Variants in ADCK5 observed in about 807,000 individuals in gnomAD.
ADCK5 encodes aarF domain containing kinase 5.
In ADCK5, 43 loss-of-function variants were observed where a neutral mutation model predicts 64.9. That is an observed-to-expected ratio of 0.66 (90% CI 0.52 to 0.85). The LOEUF is 0.85. ADCK5 is among the 40% of genes least tolerant of loss of function. The pLI is 0.00. For missense variants in ADCK5, 760 were observed against 810.5 expected, an observed-to-expected ratio of 0.94 and a Z score of 0.76; for synonymous variants, 434 against 342.8, an observed-to-expected ratio of 1.27 and a Z score of -2.94.
chr8:144,373,820 G>T, upstream of ADCK5: 1 of 362,828 alleles, frequency 2.8e-6, no homozygotes, highest in Non-Finnish European at 4.9e-6. Flanking sequence ...GTGCCTGCCC[G>T]GGGAATGCGC....
intron 3 of ADCK5, chr8:144,389,207 A>G (rs1202073688): frequency 2.2e-6 from 1 of 454,746 alleles, no homozygotes; most frequent in African/African-American, 2.0e-5. Context: ...TACCTGCTCA[A>G]CAGATACCCA....
chr8:144,382,233 C>G (rs1482778885), intron 2 of ADCK5, among the ~76,000 whole-genome samples: 1 of 143,264 alleles, frequency 7.0e-6, no homozygotes, highest in Admixed American at 6.9e-5. Flanking sequence ...GATTATGGGC[C>G]GGGTGTAGAA....
rs1554860677 is a variant in ADCK5, at chr8:144,391,666, C to T, written c.885C>T (p.Phe295=). ...AERCARELAH[F]PYVVVPRVHW... is the part of the protein sequence containing the mutation. ...GCTGTGCGCGGGAGCTGGCGCACTT[C>T]CCCTACGTCGTGGTGCCCCGCGTGC... is the stretch of plus-strand genomic sequence containing the variant. Residue 295 remains phenylalanine (F), a synonymous_variant, in exon 8 of 15, where the codon TTC becomes TTT. Coordinates refer to ENST00000308860, the MANE Select transcript of ADCK5 (RefSeq NM_174922.5). 4.5e-6 allele frequency: 7 copies of T among 1,543,638 alleles called. No individual in the cohort carries two copies. The highest frequency in any genetic ancestry group is 8.7e-7 in the Non-Finnish European group (1 of 1,148,664).
chr8:144,384,246 G>A lies in ADCK5; in HGVS notation c.266+1016G>A, dbSNP rs1309184596. ...CCTTTTGAATGGAGCGTCAGGGCAG[G>A]AAGGAGGCAGGGAGGGTGTGGTCCT... On this transcript the variant is annotated intron_variant, in intron 3 of 14. Transcript: ENST00000308860. This position sits in a 1 kb window ranked among gnomAD's most constrained non-coding sequence, Gnocchi z 5.7. Among the ~76,000 whole-genome samples the A allele has an allele frequency of 6.6e-6, 1 of 152,064 alleles. No individual in the cohort carries two copies. Among genetic ancestry groups the A allele is most frequent in the African/African-American group, 2.4e-5 (1 of 41,396 alleles).
chr8:144,392,541 T>G lies in ADCK5; in HGVS notation c.1364T>G (p.Met455Arg). ...CTGAGCCGCGAAGAGGCGGCCTACATGGTGGACATGGCCCGCGAGCGCTTC... is the reference window on the plus strand; with the variant it reads ...CTGAGCCGCGAAGAGGCGGCCTACAGGGTGGACATGGCCCGCGAGCGCTTC... The part of the protein sequence containing the change: ...HLLSREEAAY[M>R]VDMARERFEA... The change falls in exon 13 of 15, where the codon ATG becomes AGG. Residue 455 changes from methionine (M) to arginine (R), a missense_variant. Met to Arg is a moderately conservative substitution (Grantham distance 91). Around this residue, in one of 2 missense-constraint regions of ADCK5, gnomAD observed 333 missense variants for 292.0 expected, o/e 1.14. Coordinates refer to ENST00000308860, the MANE Select transcript of ADCK5 (RefSeq NM_174922.5). 6.4e-7 allele frequency: 1 copy of G among 1,562,672 alleles called. No individual in the cohort carries two copies. Among genetic ancestry groups the G allele is most frequent in the Non-Finnish European group, 8.6e-7 (1 of 1,160,378 alleles).
chr8:144,381,683 A>G (rs1308306328), intron 2 of ADCK5, among the ~76,000 whole-genome samples: 1,216 of 26,428 alleles, frequency 0.046, no homozygotes, highest in East Asian at 0.061. Context: ...CCGCAGTCAG[A>G]ATTATGGGCC....
In ADCK5 at chr8:144,393,189, A is replaced by G; in HGVS notation, c.*115A>G. The G allele has an allele frequency of 1.5e-6, 2 of 1,347,926 alleles. No homozygotes were observed. Among genetic ancestry groups the G allele is most frequent in the Non-Finnish European group, 2.0e-6 (2 of 1,007,894 alleles). 83.5% of individuals were successfully genotyped at this position (1,347,926 alleles called of 1,614,324 possible). A position where few individuals can be genotyped will look rare whatever the true frequency, so the allele number is the denominator to read the frequency against. On this transcript the variant is annotated 3_prime_UTR_variant, in exon 15 of 15. Coordinates refer to ENST00000308860, the MANE Select transcript of ADCK5 (RefSeq NM_174922.5). ...GGCACTCGCACTGGGGGGCTGTGAC[A>G]GCAGCTGGGCCAGGAGGCCGTGTAA...
chr8:144,393,032 C>A lies in ADCK5; in HGVS notation c.1701C>A (p.Leu567=). ...CTCGTGCTCTGGTCCACCTGAGCCTCGTGCCCCCAGCGGAGGAGCTCTACC... is the reference window on the plus strand; with the variant it reads ...CTCGTGCTCTGGTCCACCTGAGCCTAGTGCCCCCAGCGGAGGAGCTCTACC... ...LLARALVHLS[L]VPPAEELYQY... is the part of the protein sequence containing the mutation. The change falls in exon 15 of 15, where the codon CTC becomes CTA. Residue 567 remains leucine (L), a synonymous_variant. Transcript: ENST00000308860. 1 of 1,590,580 alleles carries A rather than the reference C, an allele frequency of 6.3e-7. No homozygotes were observed.
intron 1 of ADCK5, among the ~76,000 whole-genome samples, chr8:144,374,966 G>A (rs782117713): frequency 1.3e-5 from 2 of 152,252 alleles, no homozygotes; most frequent in Non-Finnish European, 2.9e-5. Context: ...TCCCAGCGCC[G>A]TTCCTTTTTT....
chr8:144,382,320 C>G (rs1471883944), intron 2 of ADCK5, among the ~76,000 whole-genome samples: 11 of 152,168 alleles, frequency 7.2e-5, no homozygotes, highest in Non-Finnish European at 1.5e-4. Flanking sequence ...TCAGGCACCT[C>G]CCGCACTCAG....
rs1432235180 is a variant in ADCK5 at position 144,388,571 on chromosome 8, T to C, written c.267-2100T>C. Among the ~76,000 whole-genome samples, 35 of 151,940 alleles carry C rather than the reference T, an allele frequency of 2.3e-4. 1 individual carries two copies. The highest frequency in any genetic ancestry group is 1.7e-3 in the Admixed American group (26 of 15,258). On this transcript the variant is annotated intron_variant, in intron 3 of 14. Coordinates refer to ENST00000308860, the MANE Select transcript of ADCK5 (RefSeq NM_174922.5). Reference sequence around the variant, plus strand: ...CGAGGTCGGGAGATCGAGACCATCCTGGCCAACACGGTGAAACCCCATCTC... The same window carrying C: ...CGAGGTCGGGAGATCGAGACCATCCCGGCCAACACGGTGAAACCCCATCTC...
intron 2 of ADCK5, among the ~76,000 whole-genome samples, chr8:144,381,182 A>C (rs199942932): frequency 1.5e-5 from 2 of 137,630 alleles, no homozygotes; most frequent in Non-Finnish European, 3.1e-5. Flanking sequence ...GTGCTCAGGC[A>C]CCTGCTGCAC....
intron 2 of ADCK5, among the ~76,000 whole-genome samples, chr8:144,380,155 C>T (rs868952491): frequency 3.3e-5 from 5 of 152,214 alleles, no homozygotes; most frequent in Middle Eastern, 3.2e-3. Context: ...TGCACTCAGA[C>T]ACCTGCTGCA....
chr8:144,376,940 C>G lies in ADCK5; in HGVS notation c.13-2447C>G, dbSNP rs1280463447. Among the ~76,000 whole-genome samples the G allele has an allele frequency of 2.6e-5, 4 of 152,252 alleles. No homozygotes were observed. Among genetic ancestry groups the G allele is most frequent in the Non-Finnish European group, 5.9e-5 (4 of 68,042 alleles). On this transcript the variant is annotated intron_variant, in intron 1 of 14. Coordinates refer to ENST00000308860, the MANE Select transcript of ADCK5 (RefSeq NM_174922.5). The surrounding 1 kb of genome is among the most constrained non-coding windows in gnomAD (Gnocchi z 5.1). Reference sequence around the variant, plus strand: ...GCAGGGGTTTCTGTCAACCCGCCCTCTAGGGATAAGAGGTCATGGACTTTT... The same window carrying G: ...GCAGGGGTTTCTGTCAACCCGCCCTGTAGGGATAAGAGGTCATGGACTTTT...
chr8:144,386,248 G>A (rs1390506715), intron 3 of ADCK5, among the ~76,000 whole-genome samples: 1 of 152,070 alleles, frequency 6.6e-6, no homozygotes, highest in Non-Finnish European at 1.5e-5. Context: ...CTGAGTTCAG[G>A]TGATCCGTTT....
intron 3 of ADCK5, among the ~76,000 whole-genome samples, chr8:144,386,832 G>A (rs1819946682): frequency 6.6e-6 from 1 of 152,196 alleles, no homozygotes; most frequent in African/African-American, 2.4e-5. Flanking sequence ...AGCCCTCAGG[G>A]CCACCATGGA....
intron 3 of ADCK5, among the ~76,000 whole-genome samples, chr8:144,383,733 CAG>C (rs1467348783): frequency 3.3e-5 from 5 of 152,160 alleles, no homozygotes; most frequent in East Asian, 1.9e-4. Flanking sequence ...GTGAAGAACT[CAG>C]GGGGAGGGTG....
At chr8:144,381,704 A>T (rs1819657626) in intron 2 of ADCK5, among the ~76,000 whole-genome samples, 2 of 147,964 alleles carry the variant, frequency 1.4e-5, no homozygotes, top group Non-Finnish European at 3.0e-5. Flanking sequence ...GGGTGTAGAA[A>T]CAGATGTGTG....
rs1819828979 is a variant in ADCK5 at position 144,384,585 on chromosome 8, G to C, written c.266+1355G>C. ...TGGGGTGGGTGACGACAGAGCCTCG[G>C]GTCCTCTGCCTTTTTCTCGTGACCC... On this transcript the variant is annotated intron_variant, in intron 3 of 14. Coordinates refer to ENST00000308860, the MANE Select transcript of ADCK5 (RefSeq NM_174922.5). This position sits in a 1 kb window ranked among gnomAD's most constrained non-coding sequence, Gnocchi z 5.7. Among the ~76,000 whole-genome samples the C allele has an allele frequency of 6.6e-6, 1 of 152,134 alleles. No individual in the cohort carries two copies. Among genetic ancestry groups the C allele is most frequent in the African/African-American group, 2.4e-5 (1 of 41,412 alleles).
Sources: allele counts gnomAD v4.1 joint callset (sites outside exome capture counted in the v4.1 genomes callset), GRCh38; gene constraint gnomAD v4.1.1; regional missense constraint gnomAD v4.1.1; non-coding constraint Gnocchi (gnomAD v3.1); transcripts MANE v1.5; gene names NCBI Gene and HGNC (gene_info 2026-07-23, HGNC 2026-07-21).